The following ROBO2 variants were observed in gnomAD, a reference collection of about 807,000 sequenced individuals.
ROBO2 encodes the protein roundabout homolog 2.
ROBO2 carries 53 observed loss-of-function variants against 160.8 expected under a neutral mutation model. The observed-to-expected ratio is 0.33, with a 90% CI of 0.26 to 0.41. The LOEUF (loss-of-function observed/expected upper bound fraction) is 0.41. Ranked by LOEUF, ROBO2 falls within the 10% of genes least tolerant of loss-of-function variation. The pLI is 1.00. For synonymous variants in ROBO2, 664 were observed against 611.7 expected, an observed-to-expected ratio of 1.09 and a Z score of -1.26; for missense variants, 1,577 against 1,722.4, an observed-to-expected ratio of 0.92 and a Z score of 1.49.
chr3:76,106,061 A>T (rs1164478639), intron 2 of ROBO2, among the ~76,000 whole-genome samples: 1 of 152,150 alleles, frequency 6.6e-6, no homozygotes, highest in Non-Finnish European at 1.5e-5. Context: ...GAAATGTCTA[A>T]GTTAAATGAT....
chr3:76,369,727 C>T (rs981625870), intron 2 of ROBO2, among the ~76,000 whole-genome samples: 9 of 151,918 alleles, frequency 5.9e-5, no homozygotes, highest in African/African-American at 2.2e-4. Flanking sequence ...GCTACTTATA[C>T]CCCTTAAATA....
chr3:76,474,183 C>G (rs1170663341), intron 2 of ROBO2, among the ~76,000 whole-genome samples: 1 of 152,094 alleles, frequency 6.6e-6, no homozygotes, highest in Non-Finnish European at 1.5e-5. Flanking sequence ...TGATTAATTT[C>G]ATGTCATTTT....
At chr3:76,064,859 A>G (rs1056554986) in intron 2 of ROBO2, among the ~76,000 whole-genome samples, 7 of 152,150 alleles carry the variant, frequency 4.6e-5, no homozygotes, top group Non-Finnish European at 7.4e-5. Flanking sequence ...AATAATACCT[A>G]TCTTTTCAAA....
At chr3:77,539,885 G>C (rs2092375818) in intron 6 of ROBO2, among the ~76,000 whole-genome samples, 1 of 152,196 alleles carries the variant, frequency 6.6e-6, no homozygotes, top group African/African-American at 2.4e-5. Flanking sequence ...TGTTGACAAA[G>C]AGGACCAAAG....
intron 11 of ROBO2, 83 bp downstream of exon 12, chr3:77,563,412 T>A (rs1399149401): frequency 7.6e-7 from 1 of 1,308,852 alleles, no homozygotes; most frequent in African/African-American, 1.5e-5. Flanking sequence ...TCCTGCTGTT[T>A]TATTAAAGAC....
At chr3:76,794,277 A>G (rs549118851) in intron 2 of ROBO2, among the ~76,000 whole-genome samples, 16 of 152,078 alleles carry the variant, frequency 1.1e-4, no homozygotes, top group South Asian at 2.1e-4. Context: ...CACATTTAAC[A>G]TTAATAACTG....
chr3:76,921,089 C>A (rs550840534), intron 2 of ROBO2, among the ~76,000 whole-genome samples: 38 of 152,150 alleles, frequency 2.5e-4, no homozygotes, highest in Admixed American at 9.8e-4. Flanking sequence ...TCCTTTCAAG[C>A]ATCTTGCCAA....
intron 2 of ROBO2, among the ~76,000 whole-genome samples, chr3:76,307,368 C>A (rs2071380373): frequency 6.6e-6 from 1 of 152,198 alleles, no homozygotes; most frequent in Admixed American, 6.5e-5. Context: ...TCCTTCTCTG[C>A]AGTCTTCCTA....
At chr3:77,591,843 T>A (rs1347672650) in intron 17 of ROBO2, among the ~76,000 whole-genome samples, 2 of 152,154 alleles carry the variant, frequency 1.3e-5, no homozygotes, top group Non-Finnish European at 2.9e-5. Flanking sequence ...GAGAACTACC[T>A]CAAAATAGCT....
intron 2 of ROBO2, among the ~76,000 whole-genome samples, chr3:76,836,006 T>C (rs1284952603): frequency 1.3e-5 from 2 of 152,032 alleles, no homozygotes; most frequent in East Asian, 3.9e-4. Context: ...ATAGATGGAT[T>C]GTAAGAACAA....
chr3:76,435,578 A>T (rs1332721262), intron 2 of ROBO2: 2 of 572,602 alleles, frequency 3.5e-6, no homozygotes, highest in Non-Finnish European at 6.2e-6. Flanking sequence ...ACTGAAATAT[A>T]CCTCAGGCTG....
chr3:75,961,953 A>T (rs1948930190), intron 2 of ROBO2, among the ~76,000 whole-genome samples: 1 of 151,442 alleles, frequency 6.6e-6, no homozygotes, highest in South Asian at 2.1e-4. Context: ...TTAATCTAGG[A>T]TGCTCTTGCT....
intron 2 of ROBO2, among the ~76,000 whole-genome samples, chr3:76,936,942 AG>A (rs1452156019): frequency 6.6e-6 from 1 of 152,018 alleles, no homozygotes; most frequent in Non-Finnish European, 1.5e-5. Context: ...GATGTCACAG[AG>A]TATTAAAATG....
intron 2 of ROBO2, among the ~76,000 whole-genome samples, chr3:77,457,600 G>A (rs2081808167): frequency 6.6e-6 from 1 of 151,952 alleles, no homozygotes; most frequent in Non-Finnish European, 1.5e-5. Flanking sequence ...CCATACAACA[G>A]GGATCACTTT....
intron 2 of ROBO2, among the ~76,000 whole-genome samples, chr3:76,118,305 C>A (rs2070565393): frequency 6.6e-6 from 1 of 152,158 alleles, no homozygotes; most frequent in African/African-American, 2.4e-5. Context: ...CTACTTGGAG[C>A]ACTGCTCAGC....
At chr3:75,907,852 C>CGTGTGT (rs56058203) in intron 1 of ROBO2, among the ~76,000 whole-genome samples, 28,911 of 148,414 alleles carry the variant, frequency 0.19, 3,236 homozygotes, top group East Asian at 0.51. Context: ...TAATCGTGTG[C>CGTGTGT]GTGTGTGTGT....
intron 2 of ROBO2, among the ~76,000 whole-genome samples, chr3:76,983,698 T>C (rs1461871208): frequency 1.3e-5 from 2 of 152,184 alleles, no homozygotes; most frequent in Non-Finnish European, 2.9e-5. Context: ...TGATAGACAA[T>C]AGAGTGATTT....
At chr3:77,482,797 G>C (rs1560962301) in intron 4 of ROBO2, among the ~76,000 whole-genome samples, 1 of 151,508 alleles carries the variant, frequency 6.6e-6, no homozygotes, top group Non-Finnish European at 1.5e-5. Flanking sequence ...CACAAGTATA[G>C]CTCTTCTATT....
chr3:77,311,883 T>C (rs2063572952), intron 2 of ROBO2, among the ~76,000 whole-genome samples: 1 of 152,128 alleles, frequency 6.6e-6, no homozygotes, highest in African/African-American at 2.4e-5. Context: ...GGTCAGGAGT[T>C]GGAGACTAGA....
Sources: allele counts gnomAD v4.1 joint callset (sites outside exome capture counted in the v4.1 genomes callset), GRCh38; gene constraint gnomAD v4.1.1; transcripts MANE v1.5; gene names NCBI Gene and HGNC (gene_info 2026-07-23, HGNC 2026-07-21).